Variants in LRP1B observed in about 807,000 individuals in gnomAD.
LRP1B encodes low-density lipoprotein receptor-related protein 1B.
A neutral mutation model predicts 556.6 loss-of-function variants in LRP1B; 217 were observed. That is an observed-to-expected ratio of 0.39 (90% CI 0.35 to 0.44). The LOEUF is 0.44. LRP1B is among the 20% of genes least tolerant of loss of function. The pLI is 1.00. For missense variants in LRP1B, 5,053 were observed against 5,620.8 expected (o/e 0.90, Z 3.23); for synonymous variants, 2,047 against 1,865.8 (o/e 1.10, Z -2.50).
chr2:141,728,077 A>T lies in LRP1B; in HGVS notation c.205+82202T>A, dbSNP rs556354394. On this transcript the variant is annotated intron_variant, in intron 2 of 90. Transcript: ENST00000389484. The stretch of plus-strand genomic sequence containing the variant: ...ATTTCAGAGAGTAGCAGTATTTTTC[A>T]TGAGGTGTAACAGCTACTGAGGGTG... Among the ~76,000 whole-genome samples, 167 of 152,236 alleles carry T rather than the reference A, an allele frequency of 1.1e-3. 1 individual carries two copies. The highest frequency in any genetic ancestry group is 1.6e-3 in the Non-Finnish European group (110 of 68,014).
intron 53 of LRP1B, among the ~76,000 whole-genome samples, chr2:140,503,632 C>T (rs116017280): frequency 0.01 from 1,584 of 152,184 alleles, 16 homozygotes; most frequent in Non-Finnish European, 0.017. Context: ...AATTATCCTA[C>T]ATCTTGATTC....
intron 60 of LRP1B, among the ~76,000 whole-genome samples, chr2:140,460,088 A>C (rs1313490790): frequency 6.6e-6 from 1 of 152,202 alleles, no homozygotes; most frequent in Non-Finnish European, 1.5e-5. Context: ...TTCATTTTGC[A>C]GATGAGGAAA....
chr2:141,966,910 C>A (rs2105066962), intron 1 of LRP1B, among the ~76,000 whole-genome samples: 1 of 151,916 alleles, frequency 6.6e-6, no homozygotes, highest in Admixed American at 6.6e-5. Context: ...GATACTTCAG[C>A]CAGAGTTCAG....
At chr2:140,626,927 A>G (rs1241855728) in intron 41 of LRP1B, among the ~76,000 whole-genome samples, 2 of 152,194 alleles carry the variant, frequency 1.3e-5, no homozygotes, top group African/African-American at 4.8e-5. Context: ...AAGAACAACC[A>G]TGTTCTGCAA....
At chr2:140,972,217 A>G (rs1696446513) in intron 18 of LRP1B, among the ~76,000 whole-genome samples, 2 of 152,228 alleles carry the variant, frequency 1.3e-5, no homozygotes, top group African/African-American at 2.4e-5. Context: ...AGAAGCTTGC[A>G]TACCACTTCT....
intron 58 of LRP1B, 57 bp from the exon 59 acceptor site, chr2:140,485,581 C>T (rs953541201): frequency 8.0e-7 from 1 of 1,252,066 alleles, no homozygotes; most frequent in East Asian, 2.4e-5. Flanking sequence ...AAGAAGTGAG[C>T]AATTGCTTCT....
At chr2:141,965,846 C>T (rs1701550380) in intron 1 of LRP1B, among the ~76,000 whole-genome samples, 1 of 144,864 alleles carries the variant, frequency 6.9e-6, no homozygotes, top group Admixed American at 6.9e-5. Flanking sequence ...AAATGCAAAG[C>T]CTTGGCCAAC....
chr2:141,517,021 A>C (rs868597262), intron 2 of LRP1B, among the ~76,000 whole-genome samples: 2 of 119,940 alleles, frequency 1.7e-5, no homozygotes, highest in African/African-American at 3.2e-5. Flanking sequence ...AAAAAAAAAA[A>C]AAAAAAAAAA....
At chr2:141,749,285 T>C (rs151197020) in intron 2 of LRP1B, among the ~76,000 whole-genome samples, 83 of 152,282 alleles carry the variant, frequency 5.5e-4, no homozygotes, top group African/African-American at 2.0e-3. Flanking sequence ...TGTGTAATAA[T>C]TTACTAAGGG....
chr2:141,773,139 A>C (rs1694954504), intron 2 of LRP1B, among the ~76,000 whole-genome samples: 4 of 152,246 alleles, frequency 2.6e-5, no homozygotes, highest in Admixed American at 2.6e-4. Flanking sequence ...TTGTGAAGTT[A>C]GATGACTTCT....
In LRP1B at chr2:140,444,401, T is replaced by C; in HGVS notation, c.10223A>G (p.Lys3408Arg). 6.2e-7 allele frequency: 1 copy of C among 1,614,030 alleles called. No homozygotes were observed. The highest frequency in any genetic ancestry group is 8.5e-7 in the Non-Finnish European group (1 of 1,179,914). The change falls in exon 65 of 91, where the codon AAA becomes AGA. Residue 3408 changes from lysine (K) to arginine (R), a missense_variant. Lys to Arg is a conservative substitution (Grantham distance 26). This residue lies in a region of LRP1B where 262 missense variants were observed against 395.1 expected (regional missense o/e 0.66). Transcript: ENST00000389484. The part of the protein sequence containing the change: ...SGQFKCTKNQ[K>R]CIPVNLRCNG... ...ACATCTTAAGTTTACTGGGATACAT[T>C]TCTGGTTCTTGGTACATTTGAATTG...
intron 86 of LRP1B, among the ~76,000 whole-genome samples, chr2:140,262,787 C>G (rs1682007264): frequency 6.6e-6 from 1 of 152,132 alleles, no homozygotes; most frequent in African/African-American, 2.4e-5. Flanking sequence ...GATTTACATC[C>G]AGGAGAAGTT....
chr2:141,055,039 T>C (rs1574027115), intron 10 of LRP1B, 77 bp downstream of exon 10: 2 of 1,519,188 alleles, frequency 1.3e-6, no homozygotes, highest in East Asian at 2.3e-5. Context: ...ATGACTGATG[T>C]TGATGCTGCT....
intron 66 of LRP1B, among the ~76,000 whole-genome samples, chr2:140,389,529 G>C (rs1683916358): frequency 6.7e-6 from 1 of 149,954 alleles, no homozygotes; most frequent in South Asian, 2.1e-4. Context: ...ACTAACAATG[G>C]TATCAATGAA....
At chr2:140,918,311 A>G (rs1374527917) in intron 21 of LRP1B, among the ~76,000 whole-genome samples, 1 of 152,018 alleles carries the variant, frequency 6.6e-6, no homozygotes, top group Non-Finnish European at 1.5e-5. Flanking sequence ...AGAGTTTTCT[A>G]TAACTTTGGT....
At chr2:141,692,604 G>C (rs1057449491) in intron 2 of LRP1B, among the ~76,000 whole-genome samples, 1 of 151,914 alleles carries the variant, frequency 6.6e-6, no homozygotes, top group Non-Finnish European at 1.5e-5. Context: ...AGTTTTCAGA[G>C]TACTCAGGAC....
chr2:140,780,159 C>T (rs1331542510), intron 32 of LRP1B, among the ~76,000 whole-genome samples: 2 of 152,006 alleles, frequency 1.3e-5, no homozygotes, highest in Admixed American at 1.3e-4. Flanking sequence ...AGATTTGTCC[C>T]TAAGAAGTAG....
intron 2 of LRP1B, 113 bp from the exon 3 acceptor site, chr2:141,480,646 T>G (rs1479768739): frequency 2.9e-6 from 3 of 1,023,386 alleles, no homozygotes; most frequent in Non-Finnish European, 4.6e-6. Context: ...TAGAAAATAC[T>G]GTAAGAGTGC....
intron 43 of LRP1B, among the ~76,000 whole-genome samples, chr2:140,589,296 C>G (rs551847031): frequency 7.5e-4 from 114 of 151,804 alleles, no homozygotes; most frequent in African/African-American, 2.7e-3. Context: ...ACATAGCCAA[C>G]AAAAAAGTAT....
Sources: gnomAD v4.1 joint callset for allele counts (sites outside exome capture counted in the v4.1 genomes callset) on GRCh38, gnomAD v4.1.1 for gene constraint, gnomAD v4.1.1 regional missense constraint, MANE v1.5 for transcripts, NCBI Gene and HGNC (gene_info 2026-07-23, HGNC 2026-07-21) for gene names.